LRRC28: variants seen among roughly 807,000 people sequenced by gnomAD.
LRRC28 encodes leucine rich repeat containing 28, also known as leucine-rich repeat-containing protein 28.
A neutral mutation model predicts 45.7 loss-of-function variants in LRRC28; 39 were observed. The observed-to-expected ratio is 0.85, with a 90% confidence interval of 0.66 to 1.12. The LOEUF (loss-of-function observed/expected upper bound fraction) is 1.12. LRRC28 is among the 50% of genes most tolerant of loss of function. The probability of loss-of-function intolerance (pLI) is 0.00; values close to 1 mark genes in which losing one functional copy is unlikely to be tolerated. For synonymous variants in LRRC28, 206 were observed against 178.8 expected (o/e 1.15, Z -1.22); for missense variants, 435 against 438.5 (o/e 0.99, Z 0.07).
intron 9 of LRRC28, among the ~76,000 whole-genome samples, chr15:99,370,429 G>A (rs1957452925): frequency 1.3e-5 from 2 of 152,060 alleles, no homozygotes; most frequent in Non-Finnish European, 2.9e-5. Flanking sequence ...TTGGGTGTTT[G>A]CACTAAAAAG....
At chr15:99,258,161 G>A in intron 2 of LRRC28, 5 of 1,612,486 alleles carry the variant, frequency 3.1e-6, no homozygotes, top group South Asian at 2.2e-5. Flanking sequence ...AATGACTGAA[G>A]CACAGGAAGA....
intron 5 of LRRC28, among the ~76,000 whole-genome samples, chr15:99,301,136 A>G (rs1225749811): frequency 6.6e-6 from 1 of 152,244 alleles, no homozygotes; most frequent in Non-Finnish European, 1.5e-5. Context: ...AGAAGATCCA[A>G]TAGCATAGTT....
intron 5 of LRRC28, among the ~76,000 whole-genome samples, chr15:99,326,886 G>C (rs992646042): frequency 6.6e-6 from 1 of 152,210 alleles, no homozygotes; most frequent in East Asian, 1.9e-4. Flanking sequence ...TTAGTATCAG[G>C]GTAATGTTCA....
intron 7 of LRRC28, among the ~76,000 whole-genome samples, chr15:99,360,409 G>T (rs1957168850): frequency 6.6e-6 from 1 of 152,104 alleles, no homozygotes; most frequent in African/African-American, 2.4e-5. Context: ...TCTCCCAAAG[G>T]AAGGGTTCAT....
chr15:99,271,132 G>A (rs921560126), intron 2 of LRRC28, among the ~76,000 whole-genome samples: 6 of 152,156 alleles, frequency 3.9e-5, no homozygotes, highest in Non-Finnish European at 8.8e-5. Flanking sequence ...TGGTTGAATT[G>A]TAAGGGTTCT....
At chr15:99,339,134 A>C (rs1359887984) in intron 6 of LRRC28, among the ~76,000 whole-genome samples, 1 of 152,250 alleles carries the variant, frequency 6.6e-6, no homozygotes, top group Non-Finnish European at 1.5e-5. Context: ...CTGAAAGTGT[A>C]GGGAGATATA....
rs115295570 is a variant in LRRC28, at chr15:99,355,084, A to T, written c.695+2613A>T. Among the ~76,000 whole-genome samples, 1,191 of 152,318 alleles carry T rather than the reference A, an allele frequency of 7.8e-3. 14 individuals are homozygous for T. Among genetic ancestry groups the T allele is most frequent in the African/African-American group, 0.027 (1,132 of 41,570 alleles). On this transcript the variant is annotated intron_variant, in intron 7 of 9. Coordinates refer to ENST00000301981, the MANE Select transcript of LRRC28 (RefSeq NM_144598.5). ...TAGGTATAAAAACAGCAAATAACAA[A>T]TGTAGCAGTTTTAAGAAATCTCAGA...
chr15:99,324,756 C>T (rs930914138), intron 5 of LRRC28, among the ~76,000 whole-genome samples: 3 of 152,070 alleles, frequency 2.0e-5, no homozygotes, highest in Non-Finnish European at 4.4e-5. Context: ...ATGCAAACAA[C>T]TGTAAAGTTA....
intron 2 of LRRC28, among the ~76,000 whole-genome samples, chr15:99,265,489 A>G (rs2152137896): frequency 6.6e-6 from 1 of 152,124 alleles, no homozygotes; most frequent in African/African-American, 2.4e-5. Flanking sequence ...GGTCATGGAG[A>G]AGTTTCTGAT....
In LRRC28 at chr15:99,386,452, A is replaced by G. The variant is rs1435957482; in HGVS notation, c.*350A>G. 5.1e-6 allele frequency: 1 copy of G among 194,622 alleles called. No individual in the cohort carries two copies. The highest frequency in any genetic ancestry group is 1.0e-5 in the Non-Finnish European group (1 of 97,854). The allele number at this position is 194,622 out of a possible 1,614,324, so 12.1% of individuals were successfully genotyped here. A position where few individuals can be genotyped will look rare whatever the true frequency, so the allele number is the denominator to read the frequency against. ...TAGCCAGATTCCCTTTTGAACACACATACCTTCAGTGATGCTTCCTCTCCT... is the reference window on the plus strand; with the variant it reads ...TAGCCAGATTCCCTTTTGAACACACGTACCTTCAGTGATGCTTCCTCTCCT... On this transcript the variant is annotated 3_prime_UTR_variant, in exon 10 of 10. Coordinates refer to ENST00000301981, the MANE Select transcript of LRRC28 (RefSeq NM_144598.5).
intron 6 of LRRC28, among the ~76,000 whole-genome samples, chr15:99,351,310 T>A (rs143823382): frequency 3.3e-5 from 5 of 152,174 alleles, no homozygotes; most frequent in African/African-American, 9.7e-5. Context: ...TTGCCGGGAA[T>A]CTCCATCCGT....
intron 2 of LRRC28, chr15:99,256,448 C>G (rs920045322): frequency 5.8e-6 from 1 of 170,996 alleles, no homozygotes; most frequent in African/African-American, 2.4e-5. Flanking sequence ...GTGTGTTAAG[C>G]TTCTCAGGTG....
At chr15:99,255,647 A>G (rs116264154) in intron 1 of LRRC28, among the ~76,000 whole-genome samples, 2,118 of 152,136 alleles carry the variant, frequency 0.014, 48 homozygotes, top group African/African-American at 0.047. Context: ...TGCAAAAACT[A>G]TTTTTTTCCA....
intron 5 of LRRC28, among the ~76,000 whole-genome samples, chr15:99,325,130 CAT>C (rs1398725802): frequency 6.6e-6 from 1 of 152,078 alleles, no homozygotes; most frequent in Non-Finnish European, 1.5e-5. Context: ...CAGTTTGTAG[CAT>C]ATAAGTTTTG....
At chr15:99,325,523 G>A (rs1036811022) in intron 5 of LRRC28, among the ~76,000 whole-genome samples, 4 of 152,168 alleles carry the variant, frequency 2.6e-5, no homozygotes, top group African/African-American at 9.7e-5. Context: ...GGGGATTTAA[G>A]GGGAAAGCAC....
At position 99,374,744 on chromosome 15, in the gene LRRC28, G is replaced by A. The variant is rs181842336; in HGVS notation, c.1032-11286G>A. Among the ~76,000 whole-genome samples, 696 of 151,340 alleles carry A rather than the reference G, an allele frequency of 4.6e-3. 1 individual carries two copies. The highest frequency in any genetic ancestry group is 0.016 in the African/African-American group (655 of 41,214). ...GGCTGGAGTGCAGTGGCATGATCTCGGCTCACTCTGCCTCCTGGGTTCACA... is the reference window on the plus strand; with the variant it reads ...GGCTGGAGTGCAGTGGCATGATCTCAGCTCACTCTGCCTCCTGGGTTCACA... On this transcript the variant is annotated intron_variant, in intron 9 of 9. Transcript: ENST00000301981.
At chr15:99,317,048 C>G (rs895014351) in intron 5 of LRRC28, among the ~76,000 whole-genome samples, 4 of 150,850 alleles carry the variant, frequency 2.7e-5, no homozygotes, top group African/African-American at 9.8e-5. Flanking sequence ...TAAAGCACAG[C>G]CTAAAGTGAT....
chr15:99,259,826 A>G (rs1016398493), intron 2 of LRRC28: 1 of 863,734 alleles, frequency 1.2e-6, no homozygotes, highest in Non-Finnish European at 2.0e-6. Context: ...ACTAAAGCAT[A>G]TGGAGATAGA....
In LRRC28 at chr15:99,389,192, C is replaced by T. The variant is rs1162306953; in HGVS notation, c.*3090C>T. 6.6e-6 allele frequency: 1 copy of T among 152,162 alleles called. No individual in the cohort carries two copies. The highest frequency in any genetic ancestry group is 1.5e-5 in the Non-Finnish European group (1 of 68,040). 9.4% of individuals were successfully genotyped at this position (152,162 alleles called of 1,614,324 possible). On this transcript the variant is annotated 3_prime_UTR_variant, in exon 10 of 10. Transcript: ENST00000301981. The stretch of plus-strand genomic sequence containing the variant: ...CATTAAACATCTTTTGGTCACCGTG[C>T]CTCACTAAGACCTTTCACATTCCAG...
Sources: allele counts gnomAD v4.1 joint callset (sites outside exome capture counted in the v4.1 genomes callset), GRCh38; gene constraint gnomAD v4.1.1; transcripts MANE v1.5; gene names NCBI Gene and HGNC (gene_info 2026-07-23, HGNC 2026-07-21).